Variants in PGBD2 observed in about 807,000 individuals in gnomAD.
The protein encoded by PGBD2 is piggyBac transposable element derived 2.
In PGBD2, 6 loss-of-function variants were observed where a neutral mutation model predicts 8.1. The observed-to-expected ratio is 0.74, with a 90% CI of 0.40 to 1.46. PGBD2 has a LOEUF of 1.46. PGBD2 is among the 40% of genes most tolerant of loss of function. PGBD2 has a pLI of 0.02. For missense variants in PGBD2, 802 were observed against 739.0 expected, an observed-to-expected ratio of 1.09 and a Z score of -0.99; for synonymous variants, 318 against 272.2, an observed-to-expected ratio of 1.17 and a Z score of -1.66.
the PGBD2 span, among the ~76,000 whole-genome samples, chr1:248,890,941 G>C: frequency 0.035 from 5,062 of 145,358 alleles, 270 homozygotes; most frequent in African/African-American, 0.12. Flanking sequence ...CCCCACCCCC[G>C]ACACAGCCAC....
At chr1:248,916,472 GC>G in intron 2 of PGBD2, 129 bp from the exon 3 acceptor site, 1 of 701,790 alleles carries the variant, frequency 1.4e-6, no homozygotes. Context: ...TAAATGCGGT[GC>G]CTTGTGATGC....
At chr1:248,874,428 T>C in the PGBD2 span, among the ~76,000 whole-genome samples, 1 of 152,198 alleles carries the variant, frequency 6.6e-6, no homozygotes, top group Non-Finnish European at 1.5e-5. Context: ...GGTGTCCTCA[T>C]TTTGCAGAGT....
downstream of PGBD2, among the ~76,000 whole-genome samples, chr1:248,923,939 T>C (rs1337980432): frequency 2.6e-5 from 4 of 152,174 alleles, no homozygotes; most frequent in Non-Finnish European, 5.9e-5. Context: ...TGTTTTCTTC[T>C]AAGGTGAGAT....
chr1:248,925,329 T>C, the PGBD2 span, among the ~76,000 whole-genome samples: 5 of 152,144 alleles, frequency 3.3e-5, no homozygotes, highest in Non-Finnish European at 5.9e-5. Flanking sequence ...GGGCGGGCAG[T>C]GGGGCCCAGG....
At chr1:248,888,569 G>T in the PGBD2 span, among the ~76,000 whole-genome samples, 1 of 152,070 alleles carries the variant, frequency 6.6e-6, no homozygotes, top group Non-Finnish European at 1.5e-5. Context: ...CATGCCCTTT[G>T]CTCATTTTTT....
chr1:248,884,091 G>T, the PGBD2 span, among the ~76,000 whole-genome samples: 1 of 152,034 alleles, frequency 6.6e-6, no homozygotes, highest in East Asian at 1.9e-4. Context: ...TAATCCATCT[G>T]GAATTAATTT....
At chr1:248,877,647 A>C in the PGBD2 span, among the ~76,000 whole-genome samples, 1 of 152,232 alleles carries the variant, frequency 6.6e-6, no homozygotes, top group Non-Finnish European at 1.5e-5. Context: ...TGATTGGATC[A>C]GATAACAGAA....
chr1:248,883,133 T>A, the PGBD2 span, among the ~76,000 whole-genome samples: 2 of 152,180 alleles, frequency 1.3e-5, no homozygotes, highest in Admixed American at 1.3e-4. Flanking sequence ...GTTTTTTGTT[T>A]GTTTTTTGAG....
At chr1:248,877,866 G>T in the PGBD2 span, among the ~76,000 whole-genome samples, 3 of 152,150 alleles carry the variant, frequency 2.0e-5, no homozygotes, top group African/African-American at 4.8e-5. Context: ...TGATGTTGAG[G>T]TTAAAAATAT....
At chr1:248,925,716 A>G in the PGBD2 span, among the ~76,000 whole-genome samples, 1 of 152,076 alleles carries the variant, frequency 6.6e-6, no homozygotes, top group Admixed American at 6.5e-5. Flanking sequence ...TAATAAGGGA[A>G]AGAGAGAGGG....
chr1:248,922,976 T>A (rs961284900), downstream of PGBD2, among the ~76,000 whole-genome samples: 6 of 152,172 alleles, frequency 3.9e-5, no homozygotes, highest in African/African-American at 1.4e-4. Flanking sequence ...CCTCATAAAA[T>A]GAGTTAGGGA....
the PGBD2 span, among the ~76,000 whole-genome samples, chr1:248,889,928 C>CTTTT: frequency 7.4e-6 from 1 of 136,016 alleles, no homozygotes; most frequent in Admixed American, 7.3e-5. Context: ...TTTTTCTTTT[C>CTTTT]TTTTTTTTTT....
At chr1:248,925,959 C>T in the PGBD2 span, among the ~76,000 whole-genome samples, 5 of 152,160 alleles carry the variant, frequency 3.3e-5, no homozygotes, top group Non-Finnish European at 5.9e-5. Flanking sequence ...CTCCACTTCT[C>T]TGGACACCCC....
At chr1:248,929,346 A>C in the PGBD2 span, among the ~76,000 whole-genome samples, 2 of 152,078 alleles carry the variant, frequency 1.3e-5, no homozygotes, top group Non-Finnish European at 2.9e-5. Flanking sequence ...CACCACCTTC[A>C]TTCTACCGTG....
the PGBD2 span, among the ~76,000 whole-genome samples, chr1:248,880,723 C>G: frequency 6.6e-6 from 1 of 152,026 alleles, no homozygotes; most frequent in South Asian, 2.1e-4. Flanking sequence ...GTCTTTGTTC[C>G]TCCTGTTTGT....
chr1:248,919,832 G>T, downstream of PGBD2: 1 of 166,106 alleles, frequency 6.0e-6, no homozygotes. Flanking sequence ...TTTTTCTGTT[G>T]ATCAGTGATG....
chr1:248,896,732 C>A, the PGBD2 span, among the ~76,000 whole-genome samples: 1 of 152,190 alleles, frequency 6.6e-6, no homozygotes, highest in Non-Finnish European at 1.5e-5. Context: ...CATTCTATAC[C>A]TTCAACTGAG....
In PGBD2 at chr1:248,916,937, G is replaced by C. The variant is rs893937684; in HGVS notation, c.353G>C (p.Arg118Pro). Residue 118 changes from arginine (R) to proline (P), a missense_variant, in exon 3 of 3, where the codon CGT (arginine) becomes CCT (proline). Arg to Pro is a moderately radical substitution (Grantham distance 103, BLOSUM62 -2). Coordinates refer to ENST00000329291, the MANE Select transcript of PGBD2 (RefSeq NM_170725.3). ...CGCATTTGGACCAAAAGAGATATTC[G>C]TCCAGACTTTGGCAGTTGGACTGCA... ...PQRIWTKRDI[R>P]PDFGSWTASD... 3.7e-6 allele frequency: 6 copies of C among 1,613,662 alleles called. No individual in the cohort carries two copies. The highest frequency in any genetic ancestry group is 5.1e-6 in the Non-Finnish European group (6 of 1,179,806).
In PGBD2 at chr1:248,918,561, A is replaced by G. The variant is rs140887099; in HGVS notation, c.*198A>G. On this transcript the variant is annotated 3_prime_UTR_variant, in exon 3 of 3. Transcript: ENST00000329291. ...CTACATGTGATATAAATTAATATTT[A>G]TATTCATTTATATTTATATTTTTGA... 1,571 of 300,298 alleles carry G rather than the reference A, an allele frequency of 5.2e-3. 33 individuals carry two copies. Among genetic ancestry groups the G allele is most frequent in the African/African-American group, 0.031 (1,448 of 45,980 alleles). 18.6% of individuals were successfully genotyped at this position (300,298 alleles called of 1,614,324 possible).
Sources: allele counts gnomAD v4.1 joint callset (sites outside exome capture counted in the v4.1 genomes callset), GRCh38; gene constraint gnomAD v4.1.1; transcripts MANE v1.5; gene names NCBI Gene and HGNC (gene_info 2026-07-23, HGNC 2026-07-21).